Variants in RBM47 observed in about 807,000 individuals in gnomAD.
RBM47 encodes RNA-binding protein 47.
Under a neutral mutation model 47.1 loss-of-function variants are expected in RBM47, and 21 were observed. The observed-to-expected ratio is 0.45, with a 90% CI of 0.32 to 0.64. The LOEUF is 0.64. RBM47 is among the 30% of genes least tolerant of loss of function. The pLI, the probability that RBM47 is intolerant of heterozygous loss-of-function variation, is 0.05. For synonymous variants in RBM47, 375 were observed against 361.7 expected (o/e 1.04, Z -0.42); for missense variants, 708 against 870.9 (o/e 0.81, Z 2.35).
In RBM47 at chr4:40,530,039, G is replaced by A. The variant is rs151222174; in HGVS notation, c.-155+14383C>T. 5.7e-3 allele frequency among the ~76,000 whole-genome samples: 798 copies of A among 140,328 alleles called. 6 individuals carry two copies. Among genetic ancestry groups the A allele is most frequent in the African/African-American group, 0.02 (772 of 37,776 alleles). The allele number at this position is 140,328 out of a possible 152,430, so 92.1% of individuals were successfully genotyped here. ...CAACCTCCGCTTCCCGGGTTCAAGC[G>A]ATTCTCCTGGCTCAGCCTCCCGATG... On this transcript the variant is annotated intron_variant, in intron 2 of 6. Coordinates refer to ENST00000295971, the MANE Select transcript of RBM47 (RefSeq NM_001098634.2).
rs186021504 is a variant in RBM47 at position 40,622,257 on chromosome 4, C to T, written c.-240+7139G>A. On this transcript the variant is annotated intron_variant, in intron 1 of 6. Transcript: ENST00000295971. ...AAGCAGGGTAGTGAGACAGAGGATGCGGGCAGGAAGGAGGAATTGCTGTTT... is the reference window on the plus strand; with the variant it reads ...AAGCAGGGTAGTGAGACAGAGGATGTGGGCAGGAAGGAGGAATTGCTGTTT... Among the ~76,000 whole-genome samples the T allele has an allele frequency of 2.8e-4, 43 of 152,152 alleles. 2 individuals are homozygous for T. Among genetic ancestry groups the T allele is most frequent in the South Asian group, 1.2e-3 (6 of 4,816 alleles).
intron 2 of RBM47, among the ~76,000 whole-genome samples, chr4:40,531,453 G>A (rs757202641): frequency 9.2e-5 from 14 of 151,940 alleles, no homozygotes; most frequent in South Asian, 2.1e-4. Flanking sequence ...GTTGGGTGTG[G>A]TTGGAGATAA....
chr4:40,478,009 CTTTT>C (rs1194806938), intron 2 of RBM47, among the ~76,000 whole-genome samples: 4 of 86,410 alleles, frequency 4.6e-5, no homozygotes, highest in African/African-American at 1.9e-4. Context: ...GTGGCATGTT[CTTTT>C]TTTTTTTTTT....
intron 3 of RBM47, among the ~76,000 whole-genome samples, chr4:40,452,912 T>C (rs1249298437): frequency 6.6e-6 from 1 of 150,816 alleles, no homozygotes; most frequent in Non-Finnish European, 1.5e-5. Context: ...GGCTTGATCT[T>C]GGCTCACTGC....
At chr4:40,589,538 G>T (rs912895151) in intron 1 of RBM47, among the ~76,000 whole-genome samples, 2 of 152,096 alleles carry the variant, frequency 1.3e-5, no homozygotes, top group Non-Finnish European at 1.5e-5. Flanking sequence ...CTGGGTTCAA[G>T]CCATTCTCCT....
intron 1 of RBM47, among the ~76,000 whole-genome samples, chr4:40,625,137 C>T (rs1009589476): frequency 2.0e-5 from 3 of 152,102 alleles, no homozygotes; most frequent in Admixed American, 6.6e-5. Flanking sequence ...CATGAGCCAC[C>T]GTGCCCAGCC....
intron 5 of RBM47, among the ~76,000 whole-genome samples, chr4:40,433,431 C>T (rs1287322102): frequency 6.6e-6 from 1 of 152,130 alleles, no homozygotes; most frequent in Non-Finnish European, 1.5e-5. Flanking sequence ...AAGGCTTTTG[C>T]ACCAATATTT....
intron 6 of RBM47, among the ~76,000 whole-genome samples, chr4:40,429,391 A>C (rs905397443): frequency 6.6e-6 from 1 of 152,150 alleles, no homozygotes; most frequent in African/African-American, 2.4e-5. Context: ...AGAAGGAAAA[A>C]AAAATTCGTT....
At chr4:40,502,420 G>A (rs1363617472) in intron 2 of RBM47, among the ~76,000 whole-genome samples, 1 of 152,186 alleles carries the variant, frequency 6.6e-6, no homozygotes, top group Non-Finnish European at 1.5e-5. Context: ...CCTGAATGCT[G>A]CTGAGAAATG....
chr4:40,616,818 C>A (rs1560507541), intron 1 of RBM47, among the ~76,000 whole-genome samples: 1 of 151,510 alleles, frequency 6.6e-6, no homozygotes, highest in Non-Finnish European at 1.5e-5. Flanking sequence ...ATTTGCATGT[C>A]TCTCAGTGGT....
At chr4:40,600,999 A>AAAAAAG (rs1338188731) in intron 1 of RBM47, among the ~76,000 whole-genome samples, 8 of 147,364 alleles carry the variant, frequency 5.4e-5, no homozygotes, top group African/African-American at 1.8e-4. Flanking sequence ...AAAAAAAAAA[A>AAAAAAG]AAAGAAAGAA....
upstream of RBM47, chr4:40,630,111 T>A (rs2154283151): frequency 6.6e-6 from 1 of 152,334 alleles, no homozygotes; most frequent in Non-Finnish European, 1.5e-5. Flanking sequence ...CAGATACCTT[T>A]GCTGAAGGTT....
intron 2 of RBM47, among the ~76,000 whole-genome samples, chr4:40,480,212 A>G (rs78040376): frequency 0.014 from 2,155 of 152,166 alleles, 39 homozygotes; most frequent in African/African-American, 0.043. Flanking sequence ...TCCTGACCTC[A>G]GGTGATCCAT....
chr4:40,451,667 G>A (rs374587050), intron 3 of RBM47, among the ~76,000 whole-genome samples: 6 of 152,286 alleles, frequency 3.9e-5, no homozygotes, highest in African/African-American at 1.4e-4. Context: ...TGGTACTAAA[G>A]TCAGCATCTG....
intron 2 of RBM47, 70 bp from the exon 3 acceptor site, chr4:40,466,769 A>T (rs992326169): frequency 1.5e-4 from 8 of 54,894 alleles, no homozygotes; most frequent in African/African-American, 2.6e-4. Flanking sequence ...TGCATTAGAA[A>T]TTGGGGGGGG....
At chr4:40,484,220 A>G (rs1348184458) in intron 2 of RBM47, among the ~76,000 whole-genome samples, 1 of 152,222 alleles carries the variant, frequency 6.6e-6, no homozygotes, top group East Asian at 1.9e-4. Flanking sequence ...GAGTAAGAAT[A>G]TGAATATGGG....
intron 3 of RBM47, among the ~76,000 whole-genome samples, chr4:40,446,215 C>G (rs886698034): frequency 2.0e-5 from 3 of 152,116 alleles, no homozygotes; most frequent in Non-Finnish European, 4.4e-5. Flanking sequence ...CATTCTAATC[C>G]TCACAGTGTC....
rs1348428741 is a variant in RBM47, at chr4:40,478,619, T to C, written c.-154-11920A>G. Among the ~76,000 whole-genome samples, 5 of 152,324 alleles carry C rather than the reference T, an allele frequency of 3.3e-5. No individual in the cohort carries two copies. The East Asian group carries it at 9.6e-4, about 29-fold the overall frequency. ...TTCAGATAGGATCTATTAAGGCCAC[T>C]GTGGCATCCTGGTAAGAGAGTTATT... is the stretch of plus-strand genomic sequence containing the variant. On this transcript the variant is annotated intron_variant, in intron 2 of 6. Transcript: ENST00000295971.
intron 1 of RBM47, among the ~76,000 whole-genome samples, chr4:40,559,916 G>A (rs1371223665): frequency 6.6e-6 from 1 of 152,156 alleles, no homozygotes; most frequent in African/African-American, 2.4e-5. Flanking sequence ...GCCATTTCTA[G>A]TGTTTACCTT....
Sources: gnomAD v4.1 joint callset for allele counts (sites outside exome capture counted in the v4.1 genomes callset) on GRCh38, gnomAD v4.1.1 for gene constraint, MANE v1.5 for transcripts, NCBI Gene and HGNC (gene_info 2026-07-23, HGNC 2026-07-21) for gene names.